KCTD8: variants seen among roughly 807,000 people sequenced by gnomAD.
The protein encoded by KCTD8 is potassium channel tetramerization domain containing 8, also known as BTB/POZ domain-containing protein KCTD8.
Under a neutral mutation model 31.5 loss-of-function variants are expected in KCTD8, and 27 were observed. That is an observed-to-expected ratio of 0.86 (90% CI 0.63 to 1.18). KCTD8 has a LOEUF of 1.18. Among genes scored for constraint, KCTD8 ranks in the 50% most tolerant of loss-of-function variants. The pLI, the probability that KCTD8 is intolerant of heterozygous loss-of-function variation, is 0.00. For synonymous variants in KCTD8, 290 were observed against 280.0 expected (o/e 1.04, Z -0.36); for missense variants, 658 against 647.7 (o/e 1.02, Z -0.17).
intron 1 of KCTD8, among the ~76,000 whole-genome samples, chr4:44,370,443 T>A (rs1008467780): frequency 2.6e-5 from 4 of 152,180 alleles, no homozygotes; most frequent in Non-Finnish European, 4.4e-5. Context: ...GGGCTAAAAA[T>A]TTTTCTCACG....
intron 1 of KCTD8, among the ~76,000 whole-genome samples, chr4:44,213,362 T>C (rs1714551522): frequency 6.6e-6 from 1 of 152,224 alleles, no homozygotes; most frequent in African/African-American, 2.4e-5. Context: ...ACTATGAACA[T>C]GTAATATATT....
At chr4:44,343,978 C>T (rs1718972526) in intron 1 of KCTD8, among the ~76,000 whole-genome samples, 1 of 151,968 alleles carries the variant, frequency 6.6e-6, no homozygotes, top group African/African-American at 2.4e-5. Flanking sequence ...CCTGCCTCAG[C>T]CTCCCAGGTA....
intron 1 of KCTD8, among the ~76,000 whole-genome samples, chr4:44,178,659 C>CA (rs1713288100): frequency 6.6e-6 from 1 of 151,860 alleles, no homozygotes; most frequent in Non-Finnish European, 1.5e-5. Flanking sequence ...GGCAGGGCAA[C>CA]AGAGAATTAG....
At chr4:44,259,883 A>G (rs576320756) in intron 1 of KCTD8, among the ~76,000 whole-genome samples, 1 of 151,924 alleles carries the variant, frequency 6.6e-6, no homozygotes, top group African/African-American at 2.4e-5. Context: ...CCAAAAAACA[A>G]TCCTTAAATA....
chr4:44,360,891 A>G (rs1042749075), intron 1 of KCTD8, among the ~76,000 whole-genome samples: 19 of 151,764 alleles, frequency 1.3e-4, no homozygotes, highest in Non-Finnish European at 2.1e-4. Flanking sequence ...GCTTTTTTCC[A>G]TTTGATTCCC....
intron 1 of KCTD8, among the ~76,000 whole-genome samples, chr4:44,274,833 C>CA (rs541747524): frequency 2.8e-3 from 410 of 144,408 alleles, no homozygotes; most frequent in African/African-American, 5.2e-3. Flanking sequence ...TGCTATAAAG[C>CA]AAAAAAAAAA....
intron 1 of KCTD8, among the ~76,000 whole-genome samples, chr4:44,383,944 A>G (rs1720140015): frequency 6.6e-6 from 1 of 152,096 alleles, no homozygotes; most frequent in Non-Finnish European, 1.5e-5. Context: ...AATAACTAAA[A>G]TATACACAGA....
intron 1 of KCTD8, among the ~76,000 whole-genome samples, chr4:44,298,669 C>T (rs1717517663): frequency 6.6e-6 from 1 of 152,130 alleles, no homozygotes; most frequent in Admixed American, 6.5e-5. Context: ...ACTCATTGAA[C>T]TTTTTAAAAA....
intron 1 of KCTD8, among the ~76,000 whole-genome samples, chr4:44,403,004 C>T (rs907895555): frequency 9.2e-5 from 14 of 152,114 alleles, no homozygotes; most frequent in African/African-American, 3.1e-4. Context: ...GGAAGAGAAA[C>T]AAGGTTGGAA....
intron 1 of KCTD8, among the ~76,000 whole-genome samples, chr4:44,289,730 G>A (rs1717214216): frequency 6.6e-6 from 1 of 152,120 alleles, no homozygotes; most frequent in Non-Finnish European, 1.5e-5. Flanking sequence ...AGAGTAGAGA[G>A]AGACAGAGCT....
At chr4:44,356,497 G>A (rs1453622718) in intron 1 of KCTD8, among the ~76,000 whole-genome samples, 3 of 151,958 alleles carry the variant, frequency 2.0e-5, no homozygotes, top group Admixed American at 6.5e-5. Flanking sequence ...TTCATGAGCC[G>A]GAGTCTTGCT....
chr4:44,447,840 T>C lies in KCTD8; in HGVS notation c.684A>G (p.Lys228=), dbSNP rs1721984672. 6.3e-7 allele frequency: 1 copy of C among 1,590,930 alleles called. No homozygotes were observed. Reference sequence around the variant, plus strand: ...CCATGATGCGCGCCACACGCCGGAATTTGGCGTCGGCCTGGTTGTCGCGCA... The same window carrying C: ...CCATGATGCGCGCCACACGCCGGAACTTGGCGTCGGCCTGGTTGTCGCGCA... ...TTVRDNQADA[K]FRRVARIMVC... The change falls in exon 1 of 2, where the codon AAA becomes AAG. Residue 228 remains lysine, a synonymous_variant. Coordinates refer to ENST00000360029, the MANE Select transcript of KCTD8 (RefSeq NM_198353.3).
At chr4:44,325,641 TA>T (rs1718423946) in intron 1 of KCTD8, among the ~76,000 whole-genome samples, 1 of 151,810 alleles carries the variant, frequency 6.6e-6, no homozygotes, top group South Asian at 2.1e-4. Context: ...CTATAAAAAT[TA>T]AATAATAATA....
At chr4:44,268,379 T>C (rs1190219028) in intron 1 of KCTD8, among the ~76,000 whole-genome samples, 3 of 152,128 alleles carry the variant, frequency 2.0e-5, no homozygotes, top group Admixed American at 1.3e-4. Flanking sequence ...AATTAGGTAT[T>C]GATGGGATGT....
chr4:44,275,575 A>G (rs142550138), intron 1 of KCTD8, among the ~76,000 whole-genome samples: 99 of 152,182 alleles, frequency 6.5e-4, no homozygotes, highest in Admixed American at 1.2e-3. Context: ...TTACATATCT[A>G]AACTAGAAGA....
chr4:44,332,732 G>A (rs75690540), intron 1 of KCTD8, among the ~76,000 whole-genome samples: 2,245 of 151,952 alleles, frequency 0.015, 27 homozygotes, highest in Non-Finnish European at 0.023. Flanking sequence ...CCATAGTTAG[G>A]AAAAGACAAA....
At chr4:44,349,039 C>A (rs913520221) in intron 1 of KCTD8, among the ~76,000 whole-genome samples, 2 of 151,840 alleles carry the variant, frequency 1.3e-5, no homozygotes, top group Admixed American at 6.6e-5. Context: ...ATGCTAATGT[C>A]TATGCTTAGT....
chr4:44,274,793 TCAAACC>T (rs1716705850), intron 1 of KCTD8, among the ~76,000 whole-genome samples: 1 of 151,374 alleles, frequency 6.6e-6, no homozygotes, highest in African/African-American at 2.4e-5. Context: ...TAAAACATCC[TCAAACC>T]CAGATTAGAT....
At chr4:44,185,978 C>CTCCACCT (rs1479763236) in intron 1 of KCTD8, among the ~76,000 whole-genome samples, 1 of 152,166 alleles carries the variant, frequency 6.6e-6, no homozygotes. Context: ...CTGGCGAGGT[C>CTCCACCT]TCCACCTTCG....
Sources: allele counts gnomAD v4.1 joint callset (sites outside exome capture counted in the v4.1 genomes callset), GRCh38; gene constraint gnomAD v4.1.1; transcripts MANE v1.5; gene names NCBI Gene and HGNC (gene_info 2026-07-23, HGNC 2026-07-21).